The following FREM1 variants were observed in gnomAD, a reference collection of about 807,000 sequenced individuals.
FREM1 encodes the protein FRAS1-related extracellular matrix protein 1.
In FREM1, 220 loss-of-function variants were observed where a neutral mutation model predicts 210.1. The ratio of observed to expected loss-of-function variants is 1.05; its 90% CI spans 0.94 to 1.17. The LOEUF is 1.17. FREM1 is among the 50% of genes most tolerant of loss of function. The pLI, the probability that FREM1 is intolerant of heterozygous loss-of-function variation, is 0.00. For missense variants in FREM1, 3,454 were observed against 2,675.5 expected (o/e 1.29, Z -6.42); for synonymous variants, 1,189 against 980.2 (o/e 1.21, Z -3.98).
At chr9:14,840,283 T>C (rs1389768683) in intron 10 of FREM1, among the ~76,000 whole-genome samples, 1 of 152,186 alleles carries the variant, frequency 6.6e-6, no homozygotes, top group African/African-American at 2.4e-5. Context: ...TCCAAGATAA[T>C]AGGTACAAAA....
At chr9:14,828,638 C>A (rs373652663) in intron 10 of FREM1, among the ~76,000 whole-genome samples, 2 of 74,926 alleles carry the variant, frequency 2.7e-5, no homozygotes, top group African/African-American at 6.0e-5. Context: ...TAAATTGTGG[C>A]GGGGCGGGGG....
At position 14,792,709 on chromosome 9, in the gene FREM1, T is replaced by C. The variant is rs768829155; in HGVS notation, c.3981+34A>G. 4.6e-6 allele frequency: 7 copies of C among 1,532,522 alleles called. No homozygotes were observed. The South Asian group carries it at 6.5e-5, about 14-fold the overall frequency. 94.9% of individuals were successfully genotyped at this position (1,532,522 alleles called of 1,614,324 possible). The stretch of plus-strand genomic sequence containing the variant: ...TTGAGAAGATTTATACCTGCTACGT[T>C]AGTTTTGAAAAATAAAAGTAAGAAG... On this transcript the variant is annotated intron_variant, in intron 22 of 36. Coordinates refer to ENST00000380880, the MANE Select transcript of FREM1 (RefSeq NM_001379081.2).
intron 19 of FREM1, among the ~76,000 whole-genome samples, chr9:14,802,895 A>T (rs1019702154): frequency 5.3e-5 from 8 of 152,200 alleles, no homozygotes; most frequent in African/African-American, 1.9e-4. Context: ...AAAAGGGCAG[A>T]GATCAGGATG....
chr9:14,776,227 C>T, intron 24 of FREM1, 24 bp from the exon 25 acceptor site: 1 of 1,507,780 alleles, frequency 6.6e-7, no homozygotes, highest in South Asian at 1.4e-5. Flanking sequence ...GCAAGGCAGC[C>T]TTCAGCATGG....
At chr9:14,738,409 G>T (rs1251968264) in intron 36 of FREM1, among the ~76,000 whole-genome samples, 2 of 152,122 alleles carry the variant, frequency 1.3e-5, no homozygotes, top group Non-Finnish European at 2.9e-5. Flanking sequence ...TGGGTGGAAT[G>T]AAATGAAATA....
chr9:14,880,588 A>G (rs1834611374), intron 1 of FREM1, among the ~76,000 whole-genome samples: 2 of 142,650 alleles, frequency 1.4e-5, no homozygotes, highest in South Asian at 2.3e-4. Context: ...TGGGTAACAG[A>G]GTGAGACTGT....
At chr9:14,744,178 A>G (rs1002727023) in intron 35 of FREM1, among the ~76,000 whole-genome samples, 1 of 152,148 alleles carries the variant, frequency 6.6e-6, no homozygotes, top group African/African-American at 2.4e-5. Flanking sequence ...GAAATACACC[A>G]GTAGAGAAAA....
intron 22 of FREM1, among the ~76,000 whole-genome samples, chr9:14,789,960 T>A (rs917484611): frequency 6.6e-6 from 1 of 152,212 alleles, no homozygotes; most frequent in African/African-American, 2.4e-5. Context: ...TCATCAGACA[T>A]AATTTTTTAA....
Position 14,748,476 on chromosome 9 carries a change from C to G in FREM1, c.5721G>C (p.Arg1907Ser), listed in dbSNP as rs1406399238. The G allele has an allele frequency of 6.2e-7, 1 of 1,613,736 alleles. No individual in the cohort carries two copies. The highest frequency in any genetic ancestry group is 1.3e-5 in the African/African-American group (1 of 74,906). Residue 1907 changes from arginine to serine, a missense_variant, in exon 31 of 37, where the codon AGG becomes AGC. Physicochemically the swap from Arg to Ser is moderately radical, Grantham distance 110 (BLOSUM62 -1). Transcript: ENST00000380880. ...AATCAAAGCCCCGCAGGGTGTCTCC[C>G]CTGATGACTGCTAGCTGCATGGAAG... ...LPSSMQLAVI[R>S]GDTLRGFDST...
chr9:14,759,109 G>A (rs1176185893), intron 28 of FREM1, among the ~76,000 whole-genome samples: 1 of 152,134 alleles, frequency 6.6e-6, no homozygotes, highest in Non-Finnish European at 1.5e-5. Flanking sequence ...GCAGAGTTCA[G>A]CCCAAGTTCA....
chr9:14,790,407 A>G (rs1381841064), intron 22 of FREM1, among the ~76,000 whole-genome samples: 3 of 152,202 alleles, frequency 2.0e-5, no homozygotes, highest in African/African-American at 4.8e-5. Context: ...TAATTAAGCT[A>G]GAGTTTGTTT....
At chr9:14,803,032 CTT>C (rs1288928715) in intron 19 of FREM1, among the ~76,000 whole-genome samples, 1 of 132,652 alleles carries the variant, frequency 7.5e-6, no homozygotes, top group Non-Finnish European at 1.6e-5. Context: ...TCTTCTTTCT[CTT>C]TCTTTTCTTC....
intron 25 of FREM1, among the ~76,000 whole-genome samples, chr9:14,775,259 C>A (rs1183047963): frequency 6.6e-6 from 1 of 152,130 alleles, no homozygotes; most frequent in Non-Finnish European, 1.5e-5. Flanking sequence ...GACTCCAAAG[C>A]GTGTGGCTTT....
intron 27 of FREM1, among the ~76,000 whole-genome samples, chr9:14,766,411 T>C (rs1259206688): frequency 2.0e-5 from 3 of 152,086 alleles, no homozygotes; most frequent in Non-Finnish European, 4.4e-5. Context: ...TATAGCCCAG[T>C]TGGGTTGAGG....
At chr9:14,879,067 G>A (rs1370244746) in intron 1 of FREM1, among the ~76,000 whole-genome samples, 5 of 150,578 alleles carry the variant, frequency 3.3e-5, no homozygotes, top group African/African-American at 9.8e-5. Flanking sequence ...TGAGGCAGGA[G>A]AACGACTTGA....
At chr9:14,861,284 T>TACATATATACATATAC (rs1830447506) in intron 3 of FREM1, among the ~76,000 whole-genome samples, 2 of 85,476 alleles carry the variant, frequency 2.3e-5, no homozygotes, top group Admixed American at 2.9e-4. Context: ...TATACATATA[T>TACATATATACATATAC]ACATATATAC....
chr9:14,747,046 C>T lies in FREM1; in HGVS notation c.6015G>A (p.Gln2005=). ...TGCAGTTCTTTGGAAATGAGGGCAA[C>T]TGGTCCTTTGGGAAGGAAAGGCAAT... ...TTDSHFPRQD[Q]LPSFPKNCTL... The change falls in exon 34 of 37, where the codon CAG becomes CAA. Residue 2005 remains glutamine, a synonymous_variant. Transcript: ENST00000380880. The T allele has an allele frequency of 1.2e-6, 2 of 1,613,198 alleles. No homozygotes were observed. The highest frequency in any genetic ancestry group is 2.2e-5 in the South Asian group (2 of 90,912).
chr9:14,756,136 T>C (rs1019252390), intron 29 of FREM1, among the ~76,000 whole-genome samples: 5 of 152,182 alleles, frequency 3.3e-5, no homozygotes, highest in Admixed American at 6.5e-5. Context: ...TGATATCTCA[T>C]ATTTATTATA....
intron 29 of FREM1, among the ~76,000 whole-genome samples, chr9:14,751,102 T>C (rs1843290238): frequency 6.6e-6 from 1 of 152,204 alleles, no homozygotes; most frequent in African/African-American, 2.4e-5. Context: ...GTTTCTATGA[T>C]GTGGATCATA....
Sources: allele counts gnomAD v4.1 joint callset (sites outside exome capture counted in the v4.1 genomes callset), GRCh38; gene constraint gnomAD v4.1.1; transcripts MANE v1.5; gene names NCBI Gene and HGNC (gene_info 2026-07-23, HGNC 2026-07-21).